Variants in MGST2 observed in about 807,000 individuals in gnomAD.
MGST2 encodes glutathione peroxidase MGST2.
A neutral mutation model predicts 16.6 loss-of-function variants in MGST2; 9 were observed. That is an observed-to-expected ratio of 0.54 (90% CI 0.33 to 0.95). The LOEUF (loss-of-function observed/expected upper bound fraction) is 0.95. MGST2 is among the 40% of genes least tolerant of loss of function. The probability of loss-of-function intolerance (pLI) is 0.03; values close to 1 mark genes in which losing one functional copy is unlikely to be tolerated. For synonymous variants in MGST2, 79 were observed against 68.0 expected, an observed-to-expected ratio of 1.16 and a Z score of -0.79; for missense variants, 159 against 175.1, an observed-to-expected ratio of 0.91 and a Z score of 0.52.
At chr4:139,721,103 G>A (rs17050884) in intron 5 of MGST2, among the ~76,000 whole-genome samples, 9,133 of 152,238 alleles carry the variant, frequency 0.06, 441 homozygotes, top group Admixed American at 0.13. Flanking sequence ...TAAACTTTAC[G>A]CATTTCTACA....
the MGST2 span, among the ~76,000 whole-genome samples, chr4:139,752,569 G>A: frequency 1.3e-5 from 2 of 152,154 alleles, no homozygotes; most frequent in Non-Finnish European, 2.9e-5. Context: ...GGAAGCTTTG[G>A]AAGCCAGGAC....
chr4:139,734,876 C>T (rs1156388925), intron 5 of MGST2, among the ~76,000 whole-genome samples: 1 of 152,264 alleles, frequency 6.6e-6, no homozygotes, highest in Non-Finnish European at 1.5e-5. Context: ...GACGGGGACC[C>T]CGTGGATAAC....
At chr4:139,674,597 T>C (rs961071256) in intron 1 of MGST2, among the ~76,000 whole-genome samples, 5 of 151,622 alleles carry the variant, frequency 3.3e-5, no homozygotes, top group African/African-American at 7.3e-5. Flanking sequence ...CTGGCCAACA[T>C]GGTGAAACCC....
intron 5 of MGST2, chr4:139,717,060 T>G (rs904231359): frequency 2.0e-5 from 3 of 152,550 alleles, no homozygotes; most frequent in Middle Eastern, 3.4e-3. Flanking sequence ...TATATGTATA[T>G]TTTTTACAGA....
Position 139,695,317 on chromosome 4 carries a change from A to T in MGST2, c.229+50A>T, listed in dbSNP as rs766866911. On this transcript the variant is annotated intron_variant, in intron 3 of 4. Transcript: ENST00000265498. ...TGTTCTAATGATGACTGTGATGCTT[A>T]AACGATTAAGGAGTAGATATATGGC... 21 of 1,450,920 alleles carry T rather than the reference A, an allele frequency of 1.4e-5. No individual in the cohort carries two copies. In the Admixed American group the frequency reaches 3.5e-4, roughly 24 times the overall value. 89.9% of individuals were successfully genotyped at this position (1,450,920 alleles called of 1,614,324 possible).
intron 5 of MGST2, among the ~76,000 whole-genome samples, chr4:139,726,851 G>A (rs763822698): frequency 5.9e-5 from 9 of 152,196 alleles, no homozygotes; most frequent in Non-Finnish European, 1.3e-4. Context: ...CATGCTGTAT[G>A]TGCAAAGGGA....
intron 5 of MGST2, chr4:139,730,749 G>T: frequency 1.6e-6 from 2 of 1,286,532 alleles, no homozygotes; most frequent in Non-Finnish European, 2.2e-6. Flanking sequence ...TGGAAAAAGG[G>T]AACGGGGCAG....
chr4:139,711,095 C>G (rs1255818305), intron 5 of MGST2, among the ~76,000 whole-genome samples: 1 of 151,652 alleles, frequency 6.6e-6, no homozygotes, highest in Admixed American at 6.6e-5. Context: ...TCCACTGCAG[C>G]CTTGACTTCC....
At chr4:139,677,077 A>G (rs576536667) in intron 1 of MGST2, among the ~76,000 whole-genome samples, 19 of 152,158 alleles carry the variant, frequency 1.2e-4, no homozygotes, top group Middle Eastern at 3.4e-3. Context: ...TTCCCCTCCC[A>G]TATCCTGTCT....
chr4:139,679,080 TCA>T, intron 2 of MGST2: 2 of 184,240 alleles, frequency 1.1e-5, no homozygotes, highest in Admixed American at 5.5e-5. Flanking sequence ...TTTCTTAAAA[TCA>T]GAAACCTGTA....
intron 5 of MGST2, chr4:139,717,243 A>AGAT (rs1302231900): frequency 1.3e-5 from 2 of 150,906 alleles, no homozygotes; most frequent in Admixed American, 1.3e-4. Flanking sequence ...AGCTTTTAAA[A>AGAT]GATAATGGAG....
chr4:139,713,669 C>A (rs1287069391), intron 5 of MGST2, among the ~76,000 whole-genome samples: 1 of 152,178 alleles, frequency 6.6e-6, no homozygotes, highest in Non-Finnish European at 1.5e-5. Flanking sequence ...ACTTTTGGAT[C>A]TCTTATTACC....
chr4:139,684,468 G>T (rs774101464), intron 2 of MGST2, among the ~76,000 whole-genome samples: 8 of 152,176 alleles, frequency 5.3e-5, no homozygotes, highest in Non-Finnish European at 8.8e-5. Flanking sequence ...CTGAATAAAG[G>T]AGATCTTAGA....
At chr4:139,743,921 C>T (rs1411432400), downstream of MGST2, among the ~76,000 whole-genome samples, 1 of 152,178 alleles carries the variant, frequency 6.6e-6, no homozygotes, top group Non-Finnish European at 1.5e-5. Context: ...CATTCATGTA[C>T]AGGGTGCTGA....
rs780854983 is a variant in MGST2, at chr4:139,715,161, A to G, written c.*48+10965A>G. On this transcript the variant is annotated intron_variant, in intron 5 of 5. Coordinates refer to the MGST2 transcript ENST00000616265. This position sits in a 1 kb window ranked among gnomAD's most constrained non-coding sequence, Gnocchi z 4.4. ...TAAGGGGGAGCCTTTAACCACCTCT[A>G]TCTTAGGAGAGACTCTAACTCCACT... Among the ~76,000 whole-genome samples the G allele has an allele frequency of 6.6e-6, 1 of 152,232 alleles. No individual in the cohort carries two copies. Among genetic ancestry groups the G allele is most frequent in the East Asian group, 1.9e-4 (1 of 5,172 alleles).
rs953995845 is a variant in MGST2, at chr4:139,728,249, C to T, written c.*49-11963C>T. ...CAAACAAAAAAAAGTTGAGCACTTA[C>T]TCCTTGTAGACCTGCACTTGGACAA... On this transcript the variant is annotated intron_variant, in intron 5 of 5. Coordinates refer to the MGST2 transcript ENST00000616265. Among the ~76,000 whole-genome samples the T allele has an allele frequency of 5.3e-5, 8 of 152,234 alleles. No individual in the cohort carries two copies. In the East Asian group the frequency reaches 7.7e-4, roughly 15 times the overall value.
intron 2 of MGST2, among the ~76,000 whole-genome samples, chr4:139,680,363 A>T (rs1055504781): frequency 1.3e-5 from 2 of 152,056 alleles, no homozygotes; most frequent in Non-Finnish European, 2.9e-5. Flanking sequence ...GCTTAGTTTC[A>T]TGCCCAAATC....
rs770977760 is a variant in MGST2, at chr4:139,666,086, C to G, written c.58+9C>G. 1 of 1,606,268 alleles carries G rather than the reference C, an allele frequency of 6.2e-7. No individual in the cohort carries two copies. Among genetic ancestry groups the G allele is most frequent in the South Asian group, 1.1e-5 (1 of 90,746 alleles). The stretch of plus-strand genomic sequence containing the variant: ...CTCGGCCTGTCAGCAAAGTAAGAGG[C>G]ATGGGAAGTTCGTGTGTGTGCGCGT... On this transcript the variant is annotated intron_variant, in intron 1 of 4. Coordinates refer to ENST00000265498, the MANE Select transcript of MGST2 (RefSeq NM_002413.5).
Position 139,719,373 on chromosome 4 carries a change from G to T in MGST2, c.*48+15177G>T. The T allele has an allele frequency of 1.9e-6, 3 of 1,611,474 alleles. No individual in the cohort carries two copies. In the South Asian group the frequency reaches 3.3e-5, roughly 18 times the overall value. ...AGCTCCTGCATCCACTCGTCCCCTG[G>T]CCCGCCTTTGATGATGGAGTCCACA... On this transcript the variant is annotated intron_variant, in intron 5 of 5. Coordinates refer to the MGST2 transcript ENST00000616265.
Sources: allele counts gnomAD v4.1 joint callset (sites outside exome capture counted in the v4.1 genomes callset), GRCh38; gene constraint gnomAD v4.1.1; non-coding constraint Gnocchi (gnomAD v3.1); transcripts MANE v1.5; gene names NCBI Gene and HGNC (gene_info 2026-07-23, HGNC 2026-07-21).